The following DNMT3B variants were observed in gnomAD, a reference collection of about 807,000 sequenced individuals.
The protein encoded by DNMT3B is DNA methyltransferase 3 beta.
In DNMT3B, 37 loss-of-function variants were observed where a neutral mutation model predicts 120.2. The ratio of observed to expected loss-of-function variants is 0.31; its 90% CI spans 0.24 to 0.40. The LOEUF (loss-of-function observed/expected upper bound fraction) is 0.40. Ranked by LOEUF, DNMT3B falls within the 10% of genes least tolerant of loss-of-function variation. DNMT3B has a pLI of 1.00. For missense variants in DNMT3B, 878 were observed against 1,137.3 expected (o/e 0.77, Z 3.28); for synonymous variants, 412 against 442.8 (o/e 0.93, Z 0.87).
intron 1 of DNMT3B, among the ~76,000 whole-genome samples, chr20:32,766,360 G>GTAGATA (rs1333365912): frequency 1.3e-5 from 2 of 151,916 alleles, no homozygotes; most frequent in African/African-American, 4.8e-5. Context: ...ATATATCTAC[G>GTAGATA]TAGATATAGA....
At chr20:32,786,723 G>C in intron 5 of DNMT3B, 96 bp downstream of exon 5, 1 of 1,587,148 alleles carries the variant, frequency 6.3e-7, no homozygotes. Context: ...TAGATAATCT[G>C]TGTCCTTTTT....
chr20:32,774,099 C>A (rs1987924561), intron 1 of DNMT3B, among the ~76,000 whole-genome samples: 1 of 151,964 alleles, frequency 6.6e-6, no homozygotes, highest in Non-Finnish European at 1.5e-5. Context: ...GAGTCTGGCC[C>A]CCTTTCCTTT....
In DNMT3B at chr20:32,766,890, T is replaced by A. The variant is rs189288368; in HGVS notation, c.-7+4191T>A. Among the ~76,000 whole-genome samples the A allele has an allele frequency of 4.3e-4, 66 of 151,968 alleles. No homozygotes were observed. The East Asian group carries it at 7.3e-3, about 17-fold the overall frequency. On this transcript the variant is annotated intron_variant, in intron 1 of 22. Coordinates refer to ENST00000328111, the MANE Select transcript of DNMT3B (RefSeq NM_006892.4). ...AACACACCCAAATTCAATTTTTTTTTAATTATTTTTATTTTTTGAGATGGA... is the reference window on the plus strand; with the variant it reads ...AACACACCCAAATTCAATTTTTTTTAAATTATTTTTATTTTTTGAGATGGA...
At position 32,807,958 on chromosome 20, in the gene DNMT3B, G is replaced by T. The variant is rs148465200; in HGVS notation, c.*55G>T. Reference sequence around the variant, plus strand: ...GTGTGGCAGAGCCAGGACCCAGGAGGTGTGATTCCTGAAGGCATCCCCAGG... The same window carrying T: ...GTGTGGCAGAGCCAGGACCCAGGAGTTGTGATTCCTGAAGGCATCCCCAGG... On this transcript the variant is annotated 3_prime_UTR_variant, in exon 23 of 23. Transcript: ENST00000328111. 2.7e-4 allele frequency: 435 copies of T among 1,613,500 alleles called. 1 individual carries two copies. The African/African-American group carries it at 4.5e-3, about 17-fold the overall frequency.
chr20:32,775,796 G>A (rs1057010250), intron 1 of DNMT3B, among the ~76,000 whole-genome samples: 1 of 152,270 alleles, frequency 6.6e-6, no homozygotes, highest in Admixed American at 6.5e-5. Flanking sequence ...TGTCTGTCTT[G>A]TCTCAGTTAC....
chr20:32,795,276 T>C (rs1379194953), intron 10 of DNMT3B, 133 bp from the exon 11 acceptor site: 2 of 1,385,140 alleles, frequency 1.4e-6, no homozygotes, highest in African/African-American at 2.8e-5. Flanking sequence ...AGGGGCCATA[T>C]ACATTCAGTG....
chr20:32,773,090 A>C (rs1987841486), intron 1 of DNMT3B, among the ~76,000 whole-genome samples: 1 of 149,942 alleles, frequency 6.7e-6, no homozygotes, highest in Non-Finnish European at 1.5e-5. Context: ...AAGTGCTGGG[A>C]TCACAGACGT....
chr20:32,767,883 C>G lies in DNMT3B; in HGVS notation c.-7+5184C>G, dbSNP rs1289034369. ...CTCTCTTAGTAGGCTTTTCTGGATT[C>G]CAGCAGCATTTATGTCCTGTTGTAT... On this transcript the variant is annotated intron_variant, in intron 1 of 22. Coordinates refer to ENST00000328111, the MANE Select transcript of DNMT3B (RefSeq NM_006892.4). Among the ~76,000 whole-genome samples, 3 of 152,322 alleles carry G rather than the reference C, an allele frequency of 2.0e-5. No individual in the cohort carries two copies. The East Asian group carries it at 5.8e-4, about 29-fold the overall frequency.
chr20:32,800,380 G>T (rs1601126658), intron 17 of DNMT3B, 82 bp downstream of exon 17: 1 of 1,587,950 alleles, frequency 6.3e-7, no homozygotes, highest in Non-Finnish European at 8.6e-7. Flanking sequence ...CCACATGTAG[G>T]CCCCATCCCT....
chr20:32,789,847 G>A (rs1011400980), intron 7 of DNMT3B, among the ~76,000 whole-genome samples: 2 of 152,210 alleles, frequency 1.3e-5, no homozygotes, highest in Non-Finnish European at 2.9e-5. Context: ...ACCCGCCTCG[G>A]CCTCCCAGTG....
rs141331496 is a variant in DNMT3B at position 32,773,976 on chromosome 20, T to C, written c.-6-6342T>C. On this transcript the variant is annotated intron_variant, in intron 1 of 22. Transcript: ENST00000328111. ...TTTTTTTTTTACGCTTTCCTGTAAA[T>C]CTGATGTTTTCTGGAATTTAGGGTA... is the stretch of plus-strand genomic sequence containing the variant. Among the ~76,000 whole-genome samples, 146 of 116,126 alleles carry C rather than the reference T, an allele frequency of 1.3e-3. 1 individual carries two copies. The highest frequency in any genetic ancestry group is 4.8e-3 in the African/African-American group (142 of 29,592). The allele number at this position is 116,126 out of a possible 152,430, so 76.2% of individuals were successfully genotyped here. A position where few individuals can be genotyped will look rare whatever the true frequency, so the allele number is the denominator to read the frequency against.
At chr20:32,772,610 A>C (rs1278035302) in intron 1 of DNMT3B, among the ~76,000 whole-genome samples, 1 of 150,648 alleles carries the variant, frequency 6.6e-6, no homozygotes, top group Non-Finnish European at 1.5e-5. Flanking sequence ...TGGGGCTGCC[A>C]CACCCTTCAA....
chr20:32,784,916 A>G, intron 4 of DNMT3B, 57 bp downstream of exon 4: 1 of 1,500,188 alleles, frequency 6.7e-7, no homozygotes, highest in Admixed American at 1.7e-5. Flanking sequence ...CATAGCATAC[A>G]TAGCATGCTA....
intron 8 of DNMT3B, among the ~76,000 whole-genome samples, chr20:32,792,266 G>T (rs1040553): frequency 0.51 from 77,127 of 151,582 alleles, 20,658 homozygotes; most frequent in East Asian, 0.99. Context: ...ATCTAGTGCC[G>T]CCTTATATAA....
chr20:32,794,197 G>C (rs1980331887), intron 10 of DNMT3B, among the ~76,000 whole-genome samples: 1 of 151,500 alleles, frequency 6.6e-6, no homozygotes, highest in African/African-American at 2.4e-5. Context: ...CTGTTTCTAA[G>C]AGAAATACAA....
At chr20:32,781,538 G>A in intron 3 of DNMT3B, 124 bp downstream of exon 3, 1 of 991,346 alleles carries the variant, frequency 1.0e-6, no homozygotes, top group Non-Finnish European at 1.6e-6. Context: ...CGAGCTAGAT[G>A]CTTTCTGCAT....
At chr20:32,805,989 T>G (rs1451401040) in intron 21 of DNMT3B, among the ~76,000 whole-genome samples, 3 of 152,146 alleles carry the variant, frequency 2.0e-5, no homozygotes, top group Non-Finnish European at 4.4e-5. Context: ...GCACAAAATG[T>G]TCTTGTCTCT....
chr20:32,802,138 G>A (rs1485645873), intron 19 of DNMT3B, among the ~76,000 whole-genome samples: 1 of 151,982 alleles, frequency 6.6e-6, no homozygotes, highest in Non-Finnish European at 1.5e-5. Flanking sequence ...GTAATAATCT[G>A]GCGTATCCCA....
intron 2 of DNMT3B, among the ~76,000 whole-genome samples, chr20:32,780,692 A>G (rs1255807339): frequency 6.6e-6 from 1 of 152,138 alleles, no homozygotes; most frequent in South Asian, 2.1e-4. Flanking sequence ...TGAGCGTGAC[A>G]CAAGGGTGAT....
Sources: allele counts gnomAD v4.1 joint callset (sites outside exome capture counted in the v4.1 genomes callset), GRCh38; gene constraint gnomAD v4.1.1; transcripts MANE v1.5; gene names NCBI Gene and HGNC (gene_info 2026-07-23, HGNC 2026-07-21).